Variants in PTPRD observed in about 807,000 individuals in gnomAD.
PTPRD encodes receptor-type tyrosine-protein phosphatase delta.
PTPRD carries 34 observed loss-of-function variants against 214.5 expected under a neutral mutation model. That is an observed-to-expected ratio of 0.16 (90% CI 0.12 to 0.21). The LOEUF is 0.21. Among genes scored for constraint, PTPRD ranks in the 10% least tolerant of loss-of-function variants. PTPRD has a pLI of 1.00. For synonymous variants in PTPRD, 1,128 were observed against 845.7 expected, an observed-to-expected ratio of 1.33 and a Z score of -5.79; for missense variants, 2,545 against 2,398.7, an observed-to-expected ratio of 1.06 and a Z score of -1.27.
chr9:8,353,832 GTATATA>G (rs750292500), intron 39 of PTPRD, among the ~76,000 whole-genome samples: 166 of 14,068 alleles, frequency 0.012, 1 homozygote, highest in South Asian at 0.051. Flanking sequence ...ATGTATATAT[GTATATA>G]TGTATATATG....
At chr9:10,553,434 T>TCATC (rs1286151851) in intron 2 of PTPRD, among the ~76,000 whole-genome samples, 1 of 152,054 alleles carries the variant, frequency 6.6e-6, no homozygotes, top group African/African-American at 2.4e-5. Flanking sequence ...ATTAAAATTC[T>TCATC]CATCCCTGAG....
chr9:9,882,837 G>C (rs2069263853), intron 5 of PTPRD, among the ~76,000 whole-genome samples: 1 of 152,102 alleles, frequency 6.6e-6, no homozygotes. Context: ...CTAATGGGAA[G>C]TGTTTCGGCC....
At chr9:8,497,037 C>T (rs979848999) in intron 26 of PTPRD, among the ~76,000 whole-genome samples, 1 of 152,172 alleles carries the variant, frequency 6.6e-6, no homozygotes, top group Non-Finnish European at 1.5e-5. Flanking sequence ...CATGACATTT[C>T]TTACGCAGTC....
chr9:9,959,846 A>C lies in PTPRD; in HGVS notation c.-471-21236T>G, dbSNP rs1001300751. ...GGAAGCTAGAATGACTTATGTTGTG[A>C]TGGATTAGAGTTGTAGACATTGGTA... is the stretch of plus-strand genomic sequence containing the variant. On this transcript the variant is annotated intron_variant, in intron 4 of 45. Coordinates refer to ENST00000381196, the MANE Select transcript of PTPRD (RefSeq NM_002839.4). 2.0e-5 allele frequency among the ~76,000 whole-genome samples: 3 copies of C among 152,218 alleles called. No individual in the cohort carries two copies. In the East Asian group the frequency reaches 5.8e-4, roughly 29 times the overall value.
At chr9:10,217,317 C>CA (rs1479305883) in intron 3 of PTPRD, among the ~76,000 whole-genome samples, 2 of 151,778 alleles carry the variant, frequency 1.3e-5, no homozygotes, top group Non-Finnish European at 2.9e-5. Flanking sequence ...CAAACACACA[C>CA]ACTACACAAA....
intron 8 of PTPRD, among the ~76,000 whole-genome samples, chr9:9,435,386 T>C (rs2084832262): frequency 2.9e-5 from 3 of 104,492 alleles, no homozygotes; most frequent in East Asian, 5.4e-4. Flanking sequence ...TAGCCAGGCA[T>C]GGTGGCATGT....
At chr9:9,456,211 A>G (rs996225119) in intron 8 of PTPRD, among the ~76,000 whole-genome samples, 1 of 151,882 alleles carries the variant, frequency 6.6e-6, no homozygotes, top group African/African-American at 2.4e-5. Flanking sequence ...CTCAGTTTTA[A>G]TCATCTCTGT....
At chr9:9,697,731 T>C (rs570889666) in intron 7 of PTPRD, among the ~76,000 whole-genome samples, 39 of 152,298 alleles carry the variant, frequency 2.6e-4, no homozygotes, top group African/African-American at 8.7e-4. Context: ...TTGAAAGCTG[T>C]CATTTCTTTT....
chr9:9,214,425 C>T (rs1028916931), intron 9 of PTPRD, among the ~76,000 whole-genome samples: 1 of 151,926 alleles, frequency 6.6e-6, no homozygotes, highest in Non-Finnish European at 1.5e-5. Flanking sequence ...CGGAAGACAT[C>T]ATGATGGAAC....
At chr9:9,183,502 C>A (rs537278947) in intron 9 of PTPRD, 139 bp from the exon 10 acceptor site, 1 of 152,082 alleles carries the variant, frequency 6.6e-6, no homozygotes, top group Non-Finnish European at 1.5e-5. Flanking sequence ...TAATGAGAAA[C>A]TAGTATCAAT....
At chr9:8,759,189 CT>C (rs2094237596) in intron 11 of PTPRD, among the ~76,000 whole-genome samples, 1 of 152,024 alleles carries the variant, frequency 6.6e-6, no homozygotes, top group African/African-American at 2.4e-5. Context: ...TACCACCTTA[CT>C]TTTTTATTTT....
intron 12 of PTPRD, among the ~76,000 whole-genome samples, chr9:8,676,011 G>A (rs531524924): frequency 7.6e-4 from 115 of 152,226 alleles, no homozygotes; most frequent in Non-Finnish European, 1.4e-3. Context: ...CCTGAGCCCC[G>A]TCGTTCTATC....
chr9:8,650,201 A>G (rs1216829220), intron 12 of PTPRD, among the ~76,000 whole-genome samples: 1 of 151,706 alleles, frequency 6.6e-6, no homozygotes, highest in Non-Finnish European at 1.5e-5. Context: ...TACAGGCATG[A>G]GCCCACACTC....
chr9:8,644,278 A>C (rs56150041), intron 12 of PTPRD, among the ~76,000 whole-genome samples: 40,573 of 151,686 alleles, frequency 0.27, 5,522 homozygotes, highest in Middle Eastern at 0.34. Context: ...ACCCTCTCTG[A>C]CAGGAGCTGA....
At chr9:8,989,492 A>T (rs1278046106) in intron 11 of PTPRD, among the ~76,000 whole-genome samples, 1 of 152,086 alleles carries the variant, frequency 6.6e-6, no homozygotes, top group Non-Finnish European at 1.5e-5. Flanking sequence ...TTCACTTACT[A>T]TAATGACCTC....
At chr9:10,126,947 T>A (rs1417023933) in intron 3 of PTPRD, among the ~76,000 whole-genome samples, 1 of 37,522 alleles carries the variant, frequency 2.7e-5, no homozygotes, top group East Asian at 4.3e-4. Context: ...TCAAATGGAC[T>A]TTTTTTTTTT....
At chr9:10,152,577 G>A (rs1369215393) in intron 3 of PTPRD, among the ~76,000 whole-genome samples, 1 of 152,196 alleles carries the variant, frequency 6.6e-6, no homozygotes, top group Non-Finnish European at 1.5e-5. Context: ...TGTAATCCCA[G>A]CACTTTGGGA....
intron 34 of PTPRD, among the ~76,000 whole-genome samples, chr9:8,437,019 G>C (rs1590392472): frequency 6.6e-6 from 1 of 152,184 alleles, no homozygotes; most frequent in Non-Finnish European, 1.5e-5. Flanking sequence ...TCTGCTTTGA[G>C]TAATGACTTT....
intron 2 of PTPRD, among the ~76,000 whole-genome samples, chr9:10,573,679 C>A (rs542086597): frequency 6.6e-6 from 1 of 152,112 alleles, no homozygotes; most frequent in African/African-American, 2.4e-5. Flanking sequence ...CGCACCTGGA[C>A]TCTTTCCTGG....
Sources: allele counts gnomAD v4.1 joint callset (sites outside exome capture counted in the v4.1 genomes callset), GRCh38; gene constraint gnomAD v4.1.1; transcripts MANE v1.5; gene names NCBI Gene and HGNC (gene_info 2026-07-23, HGNC 2026-07-21).